SMOC2: variants seen among roughly 807,000 people sequenced by gnomAD.
The protein encoded by SMOC2 is SPARC related modular calcium binding 2.
A neutral mutation model predicts 61.4 loss-of-function variants in SMOC2; 39 were observed. The observed-to-expected ratio is 0.64, with a 90% CI of 0.49 to 0.83. SMOC2 has a LOEUF of 0.83. Among genes scored for constraint, SMOC2 ranks in the 40% least tolerant of loss-of-function variants. The pLI is 0.00. For synonymous variants in SMOC2, 247 were observed against 239.9 expected, an observed-to-expected ratio of 1.03 and a Z score of -0.27; for missense variants, 556 against 592.9, an observed-to-expected ratio of 0.94 and a Z score of 0.65.
chr6:168,595,372 G>A (rs923951654), intron 7 of SMOC2, among the ~76,000 whole-genome samples: 5 of 152,280 alleles, frequency 3.3e-5, no homozygotes, highest in Middle Eastern at 3.4e-3. Flanking sequence ...TGTCATGTGC[G>A]AATTCACCCC....
chr6:168,622,757 G>C (rs1459553891), intron 9 of SMOC2, among the ~76,000 whole-genome samples: 1 of 151,926 alleles, frequency 6.6e-6, no homozygotes, highest in African/African-American at 2.4e-5. Flanking sequence ...CCTTCACAGG[G>C]GGGAAGCTGA....
chr6:168,545,666 T>A (rs1783980187), intron 5 of SMOC2, among the ~76,000 whole-genome samples: 1 of 152,208 alleles, frequency 6.6e-6, no homozygotes, highest in South Asian at 2.1e-4. Flanking sequence ...TTACTCACCC[T>A]GTCCTCAGGC....
chr6:168,445,213 C>G (rs1781305042), intron 1 of SMOC2, among the ~76,000 whole-genome samples: 1 of 152,100 alleles, frequency 6.6e-6, no homozygotes. Context: ...CTGTTTTTTG[C>G]ACTGTCTTCA....
At chr6:168,492,411 C>A (rs1417343118) in intron 1 of SMOC2, among the ~76,000 whole-genome samples, 2 of 152,230 alleles carry the variant, frequency 1.3e-5, no homozygotes, top group Non-Finnish European at 2.9e-5. Flanking sequence ...CACCTCTCAG[C>A]CTGCTAGCCC....
At chr6:168,543,522 C>A (rs1583096654) in intron 4 of SMOC2, 103 bp from the exon 5 acceptor site, 3 of 1,025,456 alleles carry the variant, frequency 2.9e-6, no homozygotes, top group Admixed American at 2.1e-5. Context: ...CGAAGCACGG[C>A]AAATTAGTCA....
chr6:168,465,165 A>G (rs1284542111), intron 1 of SMOC2, among the ~76,000 whole-genome samples: 1 of 152,178 alleles, frequency 6.6e-6, no homozygotes, highest in Non-Finnish European at 1.5e-5. Flanking sequence ...CAACACACAC[A>G]TTCCTTTCTC....
At chr6:168,461,636 C>T (rs998417768) in intron 1 of SMOC2, among the ~76,000 whole-genome samples, 6 of 152,100 alleles carry the variant, frequency 3.9e-5, no homozygotes, top group Non-Finnish European at 8.8e-5. Flanking sequence ...TAAAGCATTT[C>T]GGATGTTAAT....
chr6:168,664,306 C>T, intron 12 of SMOC2, 195 bp downstream of exon 12: 1 of 620,898 alleles, frequency 1.6e-6, no homozygotes, highest in Admixed American at 2.7e-5. Context: ...TCCGAAATCA[C>T]CAACTTGTTT....
intron 8 of SMOC2, among the ~76,000 whole-genome samples, chr6:168,605,918 G>A (rs911265582): frequency 2.6e-5 from 4 of 152,156 alleles, no homozygotes; most frequent in African/African-American, 9.7e-5. Context: ...CATCCATTCT[G>A]AGCTGGGACA....
intron 2 of SMOC2, among the ~76,000 whole-genome samples, chr6:168,510,770 C>T (rs1450138607): frequency 2.0e-5 from 3 of 152,164 alleles, no homozygotes; most frequent in Non-Finnish European, 4.4e-5. Flanking sequence ...GCAGTGTCTA[C>T]GTCCCTGCTT....
intron 1 of SMOC2, among the ~76,000 whole-genome samples, chr6:168,484,088 A>G (rs1782274172): frequency 6.6e-6 from 1 of 152,186 alleles, no homozygotes; most frequent in Admixed American, 6.5e-5. Context: ...AAATTGTACA[A>G]ATTGGACTTT....
chr6:168,494,444 A>G (rs1782542836), intron 1 of SMOC2, among the ~76,000 whole-genome samples: 1 of 152,244 alleles, frequency 6.6e-6, no homozygotes, highest in African/African-American at 2.4e-5. Flanking sequence ...ACACCTAGAT[A>G]GACTTCTTCT....
chr6:168,641,927 T>C (rs1786900024), intron 9 of SMOC2, among the ~76,000 whole-genome samples: 1 of 152,188 alleles, frequency 6.6e-6, no homozygotes, highest in Non-Finnish European at 1.5e-5. Context: ...AAATCAAGGA[T>C]ATGAAAATAA....
Position 168,509,976 on chromosome 6 carries a change from A to G in SMOC2, c.146A>G (p.Gln49Arg). Reference sequence around the variant, plus strand: ...AGCTTGGACTGTGCGGGTTCGCCCCAGAAACCTCTCTGCGCATCTGACGGA... The same window carrying G: ...AGCTTGGACTGTGCGGGTTCGCCCCGGAAACCTCTCTGCGCATCTGACGGA... Reference protein sequence around the residue: ...DCSLDCAGSPQKPLCASDGRT... With the variant: ...DCSLDCAGSPRKPLCASDGRT... The change falls in exon 2 of 13, where the codon CAG becomes CGG. Residue 49 changes from glutamine (Q) to arginine (R), a missense_variant. Gln to Arg is a conservative substitution (Grantham distance 43). Coordinates refer to ENST00000356284, the MANE Select transcript of SMOC2 (RefSeq NM_001166412.2). 1 of 1,614,230 alleles carries G rather than the reference A, an allele frequency of 6.2e-7. No individual in the cohort carries two copies. The highest frequency in any genetic ancestry group is 8.5e-7 in the Non-Finnish European group (1 of 1,180,040).
intron 7 of SMOC2, among the ~76,000 whole-genome samples, chr6:168,570,307 G>C (rs182899156): frequency 6.6e-6 from 1 of 152,326 alleles, no homozygotes; most frequent in African/African-American, 2.4e-5. Flanking sequence ...GAGAAGATGT[G>C]ACTTCTCTGT....
At chr6:168,591,639 A>G (rs992364985) in intron 7 of SMOC2, among the ~76,000 whole-genome samples, 12 of 148,970 alleles carry the variant, frequency 8.1e-5, no homozygotes, top group African/African-American at 2.4e-4. Context: ...TTAATATAAT[A>G]CTATAAGTAA....
At chr6:168,568,024 C>T (rs939416649) in intron 7 of SMOC2, among the ~76,000 whole-genome samples, 1 of 149,880 alleles carries the variant, frequency 6.7e-6, no homozygotes, top group African/African-American at 2.5e-5. Flanking sequence ...GAATTTAGTG[C>T]ATCTTCTCTT....
rs557451190 is a variant in SMOC2 at position 168,453,013 on chromosome 6, C to T, written c.84+11559C>T. Among the ~76,000 whole-genome samples, 5 of 152,318 alleles carry T rather than the reference C, an allele frequency of 3.3e-5. No individual in the cohort carries two copies. The highest frequency in any genetic ancestry group is 1.9e-4 in the East Asian group (1 of 5,176). On this transcript the variant is annotated intron_variant, in intron 1 of 12. Transcript: ENST00000356284. The surrounding 1 kb of genome is among the most constrained non-coding windows in gnomAD (Gnocchi z 4.4). The stretch of plus-strand genomic sequence containing the variant: ...CTCCCAGTGGCTCTGACAGCAGGGC[C>T]GGGGGCATAGTTCCCTGGAAGTCGG...
At chr6:168,622,373 G>A (rs1056932270) in intron 9 of SMOC2, among the ~76,000 whole-genome samples, 2 of 151,718 alleles carry the variant, frequency 1.3e-5, no homozygotes, top group African/African-American at 4.8e-5. Flanking sequence ...GAGGCTGCCG[G>A]ATTCATGAAT....
Sources: gnomAD v4.1 joint callset for allele counts (sites outside exome capture counted in the v4.1 genomes callset) on GRCh38, gnomAD v4.1.1 for gene constraint, Gnocchi (gnomAD v3.1) non-coding constraint, MANE v1.5 for transcripts, NCBI Gene and HGNC (gene_info 2026-07-23, HGNC 2026-07-21) for gene names.